RBMS3: variants seen among roughly 807,000 people sequenced by gnomAD.
RBMS3 encodes the protein RNA binding motif single stranded interacting protein 3, also known as RNA-binding motif, single-stranded-interacting protein 3.
A neutral mutation model predicts 66.8 loss-of-function variants in RBMS3; 27 were observed. That is an observed-to-expected ratio of 0.40 (90% CI 0.30 to 0.56). The LOEUF is 0.56. Ranked by LOEUF, RBMS3 falls within the 20% of genes least tolerant of loss-of-function variation. The pLI, the probability that RBMS3 is intolerant of heterozygous loss-of-function variation, is 0.40. For synonymous variants in RBMS3, 188 were observed against 183.0 expected, an observed-to-expected ratio of 1.03 and a Z score of -0.22; for missense variants, 513 against 549.5, an observed-to-expected ratio of 0.93 and a Z score of 0.66.
At chr3:29,667,013 A>G (rs2050792815) in intron 4 of RBMS3, among the ~76,000 whole-genome samples, 1 of 152,188 alleles carries the variant, frequency 6.6e-6, no homozygotes, top group Admixed American at 6.5e-5. Context: ...CTTGTACTCA[A>G]TAAGCCAATG....
chr3:29,419,043 G>C (rs905791634), intron 1 of RBMS3, among the ~76,000 whole-genome samples: 1 of 152,098 alleles, frequency 6.6e-6, no homozygotes, highest in African/African-American at 2.4e-5. Context: ...AAAGAATACA[G>C]TTTACAGTAA....
At chr3:29,740,692 T>C (rs1386198320) in intron 5 of RBMS3, among the ~76,000 whole-genome samples, 1 of 152,176 alleles carries the variant, frequency 6.6e-6, no homozygotes, top group African/African-American at 2.4e-5. Context: ...TGATTTATCA[T>C]GGATGAATGG....
chr3:29,965,753 C>T (rs548887621), intron 12 of RBMS3, among the ~76,000 whole-genome samples: 15 of 152,124 alleles, frequency 9.9e-5, no homozygotes, highest in African/African-American at 3.6e-4. Context: ...AAAACTTTAT[C>T]TTTGTTTTTA....
At chr3:29,384,757 C>T (rs916398961) in intron 1 of RBMS3, among the ~76,000 whole-genome samples, 2 of 152,168 alleles carry the variant, frequency 1.3e-5, no homozygotes, top group Non-Finnish European at 2.9e-5. Context: ...AAGTGGTTTC[C>T]GGCCTTCCCA....
At chr3:29,597,067 T>A (rs1559498268) in intron 4 of RBMS3, among the ~76,000 whole-genome samples, 1 of 152,112 alleles carries the variant, frequency 6.6e-6, no homozygotes, top group Non-Finnish European at 1.5e-5. Context: ...CTTCAGAAAA[T>A]AGATGACAAG....
chr3:29,385,830 C>G (rs886985508), intron 1 of RBMS3, among the ~76,000 whole-genome samples: 5 of 152,190 alleles, frequency 3.3e-5, no homozygotes, highest in African/African-American at 1.2e-4. Context: ...AGGCATCTTA[C>G]TTTTGGGTCG....
In RBMS3 at chr3:29,437,010, C is replaced by A. The variant is rs139104074; in HGVS notation, c.248+2095C>A. Among the ~76,000 whole-genome samples, 72 of 152,312 alleles carry A rather than the reference C, an allele frequency of 4.7e-4. 1 individual carries two copies. The highest frequency in any genetic ancestry group is 1.7e-3 in the African/African-American group (69 of 41,580). On this transcript the variant is annotated intron_variant, in intron 2 of 14. Coordinates refer to ENST00000383767, the MANE Select transcript of RBMS3 (RefSeq NM_001003793.3). ...AGGCATATCACTTCCTCCCTCTAAGCCTCAGTTTCCTCTTTCTTAAAAGAC... is the reference window on the plus strand; with the variant it reads ...AGGCATATCACTTCCTCCCTCTAAGACTCAGTTTCCTCTTTCTTAAAAGAC...
At chr3:29,871,108 C>T (rs1372090709) in intron 7 of RBMS3, among the ~76,000 whole-genome samples, 1 of 152,018 alleles carries the variant, frequency 6.6e-6, no homozygotes, top group Admixed American at 6.6e-5. Flanking sequence ...CCTATATAAG[C>T]AATATTTAAT....
chr3:29,536,544 C>A (rs1328986394), intron 3 of RBMS3, among the ~76,000 whole-genome samples: 1 of 152,164 alleles, frequency 6.6e-6, no homozygotes, highest in Non-Finnish European at 1.5e-5. Context: ...ACCACAATCT[C>A]TCTTCTATTT....
chr3:29,400,743 T>C (rs1330254720), intron 1 of RBMS3, among the ~76,000 whole-genome samples: 2 of 152,012 alleles, frequency 1.3e-5, no homozygotes, highest in Admixed American at 6.6e-5. Context: ...AGGATCATAT[T>C]TGGTTAGCCA....
intron 6 of RBMS3, among the ~76,000 whole-genome samples, chr3:29,823,831 A>T (rs552916834): frequency 1.3e-5 from 2 of 152,298 alleles, no homozygotes; most frequent in Admixed American, 1.3e-4. Context: ...TTTTATACCT[A>T]GGAATGAAAT....
At chr3:29,648,714 GT>G (rs35668644) in intron 4 of RBMS3, among the ~76,000 whole-genome samples, 2 of 150,962 alleles carry the variant, frequency 1.3e-5, no homozygotes, top group East Asian at 3.9e-4. Context: ...GAATTACAGT[GT>G]TTTTTTTTCC....
At chr3:29,659,366 C>T (rs776161600) in intron 4 of RBMS3, among the ~76,000 whole-genome samples, 52 of 152,004 alleles carry the variant, frequency 3.4e-4, no homozygotes, top group Non-Finnish European at 7.1e-4. Flanking sequence ...AACTCCATAC[C>T]CATTGAACAA....
At chr3:29,531,761 C>A (rs1375512942) in intron 3 of RBMS3, among the ~76,000 whole-genome samples, 1 of 152,178 alleles carries the variant, frequency 6.6e-6, no homozygotes, top group African/African-American at 2.4e-5. Flanking sequence ...GATGCTAAGC[C>A]TCTATCCCTC....
rs2058042629 is a variant in RBMS3 at position 29,820,242 on chromosome 3, AT to A, written c.638-48614del. Among the ~76,000 whole-genome samples the A allele has an allele frequency of 1.2e-4, 16 of 135,834 alleles. No individual in the cohort carries two copies. In the South Asian group the frequency reaches 3.7e-3, roughly 31 times the overall value. The allele number at this position is 135,834 out of a possible 152,430, so 89.1% of individuals were successfully genotyped here. ...AAAAAAAAAAAAAAAAAAAAAAAAAATTAGGTGGCAGAAATGGTAAATTTAA... is the reference window on the plus strand; with the variant it reads ...AAAAAAAAAAAAAAAAAAAAAAAAAATAGGTGGCAGAAATGGTAAATTTAA... On this transcript the variant is annotated intron_variant, in intron 6 of 14. Transcript: ENST00000383767.
intron 1 of RBMS3, among the ~76,000 whole-genome samples, chr3:29,408,846 G>A (rs2040140930): frequency 6.6e-6 from 1 of 152,188 alleles, no homozygotes; most frequent in South Asian, 2.1e-4. Context: ...CACAAAGCAT[G>A]TTTTGTTCTC....
chr3:29,352,167 T>TTAAAAA (rs2036956585), intron 1 of RBMS3, among the ~76,000 whole-genome samples: 1 of 152,112 alleles, frequency 6.6e-6, no homozygotes, highest in Non-Finnish European at 1.5e-5. Flanking sequence ...TTCTCCCTTC[T>TTAAAAA]TGATTCTTAA....
intron 3 of RBMS3, among the ~76,000 whole-genome samples, chr3:29,545,165 A>G (rs1185925097): frequency 6.6e-6 from 1 of 152,188 alleles, no homozygotes; most frequent in African/African-American, 2.4e-5. Flanking sequence ...CTACATATTC[A>G]GTAAATGATG....
At chr3:29,342,634 G>A (rs2125540382) in intron 1 of RBMS3, among the ~76,000 whole-genome samples, 1 of 152,220 alleles carries the variant, frequency 6.6e-6, no homozygotes, top group African/African-American at 2.4e-5. Context: ...TATCAAGTGG[G>A]TAGGGATTTA....
Sources: allele counts gnomAD v4.1 joint callset (sites outside exome capture counted in the v4.1 genomes callset), GRCh38; gene constraint gnomAD v4.1.1; transcripts MANE v1.5; gene names NCBI Gene and HGNC (gene_info 2026-07-23, HGNC 2026-07-21).